Variants in IBSP observed in about 807,000 individuals in gnomAD.
The protein encoded by IBSP is integrin binding sialoprotein.
Under a neutral mutation model 25.5 loss-of-function variants are expected in IBSP, and 19 were observed. The observed-to-expected ratio is 0.74, with a 90% CI of 0.52 to 1.09. The LOEUF (loss-of-function observed/expected upper bound fraction) is 1.09. IBSP is among the 50% of genes least tolerant of loss of function. IBSP has a pLI of 0.00. For missense variants in IBSP, 360 were observed against 382.3 expected (o/e 0.94, Z 0.49); for synonymous variants, 144 against 137.6 (o/e 1.05, Z -0.33).
intron 1 of IBSP, among the ~76,000 whole-genome samples, chr4:87,801,933 G>A (rs1032521990): frequency 8.5e-5 from 13 of 152,068 alleles, no homozygotes; most frequent in African/African-American, 2.9e-4. Context: ...CACCATACCT[G>A]GTCGAGTTTT....
Position 87,811,843 on chromosome 4 carries a change from A to C in IBSP, c.887A>C (p.Glu296Ala), listed in dbSNP as rs762817858. The part of the protein sequence containing the change: ...RGDNYRAYED[E>A]YSYFKGQGYD... The stretch of plus-strand genomic sequence containing the variant: ...GACAATTACCGAGCCTATGAAGATG[A>C]GTACAGCTACTTTAAAGGACAAGGC... Residue 296 changes from glutamate to alanine, a missense_variant, in exon 7 of 7, where the codon GAG becomes GCG. Coordinates refer to ENST00000226284, the MANE Select transcript of IBSP (RefSeq NM_004967.4). 4 of 1,597,366 alleles carry C rather than the reference A, an allele frequency of 2.5e-6. No homozygotes were observed. The highest frequency in any genetic ancestry group is 3.5e-5 in the Admixed American group (2 of 57,966).
At chr4:87,801,491 C>CAA (rs2110055631) in intron 1 of IBSP, among the ~76,000 whole-genome samples, 1 of 125,314 alleles carries the variant, frequency 8.0e-6, no homozygotes, top group South Asian at 2.6e-4. Context: ...TACACACACA[C>CAA]ACACACACAC....
In IBSP at chr4:87,811,885, G is replaced by T. The variant is rs758913080; in HGVS notation, c.929G>T (p.Gly310Val). Reference sequence around the variant, plus strand: ...GGACAAGGCTACGATGGCTATGATGGTCAGAATTACTACCACCACCAGTGA... The same window carrying T: ...GGACAAGGCTACGATGGCTATGATGTTCAGAATTACTACCACCACCAGTGA... The part of the protein sequence containing the change: ...FKGQGYDGYD[G>V]QNYYHHQ Residue 310 changes from glycine (G) to valine (V), a missense_variant, in exon 7 of 7, where the codon GGT becomes GTT. Gly to Val is a moderately radical substitution (Grantham distance 109). Transcript: ENST00000226284. 1.2e-4 allele frequency: 183 copies of T among 1,534,754 alleles called. 1 individual carries two copies. Among genetic ancestry groups the T allele is most frequent in the Admixed American group, 6.1e-4 (30 of 48,820 alleles).
intron 2 of IBSP, 44 bp downstream of exon 2, chr4:87,802,459 T>A (rs373609852): frequency 2.6e-5 from 41 of 1,595,708 alleles, no homozygotes; most frequent in Non-Finnish European, 7.7e-6. Flanking sequence ...AGTTTTGTCT[T>A]TTTATGTAAA....
chr4:87,804,580 C>T (rs1368784724), intron 4 of IBSP, among the ~76,000 whole-genome samples: 2 of 152,238 alleles, frequency 1.3e-5, no homozygotes, highest in Non-Finnish European at 2.9e-5. Flanking sequence ...TTTCCTTTAT[C>T]GGACTCATCT....
At chr4:87,807,312 C>T (rs1442642195) in intron 5 of IBSP, among the ~76,000 whole-genome samples, 1 of 152,110 alleles carries the variant, frequency 6.6e-6, no homozygotes, top group African/African-American at 2.4e-5. Flanking sequence ...AAAAATGGAT[C>T]ATGTATTAAC....
chr4:87,800,836 C>A (rs1722003535), intron 1 of IBSP, among the ~76,000 whole-genome samples: 1 of 152,132 alleles, frequency 6.6e-6, no homozygotes, highest in Non-Finnish European at 1.5e-5. Context: ...CATTGGTTTG[C>A]ACATTTTAAG....
rs1722035151 is a variant in IBSP at position 87,802,518 on chromosome 4, T to G, written c.65T>G (p.Leu22Trp). Residue 22 changes from leucine (L) to tryptophan (W), a missense_variant, in exon 3 of 7, where the codon TTG becomes TGG. Leu to Trp is a moderately conservative substitution (Grantham distance 61). Coordinates refer to ENST00000226284, the MANE Select transcript of IBSP (RefSeq NM_004967.4). ...TGTTCTTTAAAACAGATGAAAAATTTGCATCGAAGAGTCAAAATAGAGGAT... is the reference window on the plus strand; with the variant it reads ...TGTTCTTTAAAACAGATGAAAAATTGGCATCGAAGAGTCAAAATAGAGGAT... ...GMACAFSMKN[L>W]HRRVKIEDSE... The G allele has an allele frequency of 6.2e-7, 1 of 1,604,972 alleles. No individual in the cohort carries two copies. Among genetic ancestry groups the G allele is most frequent in the Non-Finnish European group, 8.5e-7 (1 of 1,176,666 alleles).
chr4:87,810,039 C>A (rs986889950), intron 5 of IBSP, among the ~76,000 whole-genome samples: 1 of 152,120 alleles, frequency 6.6e-6, no homozygotes, highest in Non-Finnish European at 1.5e-5. Context: ...TCCTGGCCAA[C>A]ACGGTGAAAC....
rs753732268 is a variant in IBSP, at chr4:87,802,530, T to C, written c.77T>C (p.Val26Ala). ...AFSMKNLHRR[V>A]KIEDSEENGV... is the part of the protein sequence containing the mutation. ...CAGATGAAAAATTTGCATCGAAGAG[T>C]CAAAATAGAGGATTCTGAAGAAAAT... Residue 26 changes from valine (V) to alanine (A), a missense_variant, in exon 3 of 7, where the codon GTC becomes GCC. By Grantham distance (64) the Val-to-Ala change is moderately conservative (BLOSUM62 0). Transcript: ENST00000226284. 3.7e-6 allele frequency: 6 copies of C among 1,606,576 alleles called. No homozygotes were observed. Among genetic ancestry groups the C allele is most frequent in the Non-Finnish European group, 5.1e-6 (6 of 1,177,194 alleles).
chr4:87,810,838 A>C, intron 6 of IBSP, 74 bp downstream of exon 6: 16 of 1,356,732 alleles, frequency 1.2e-5, no homozygotes, highest in Non-Finnish European at 1.6e-5. Context: ...TCTTTTTTAA[A>C]CTTTTTAACT....
intron 1 of IBSP, among the ~76,000 whole-genome samples, chr4:87,800,985 T>C (rs887460464): frequency 2.6e-5 from 4 of 152,182 alleles, no homozygotes; most frequent in African/African-American, 7.2e-5. Context: ...TGAGTGTTAG[T>C]AGGCTTTCAG....
At chr4:87,810,863 T>C (rs1722161100) in intron 6 of IBSP, 99 bp downstream of exon 6, 1 of 957,864 alleles carries the variant, frequency 1.0e-6, no homozygotes, top group Non-Finnish European at 1.6e-6. Flanking sequence ...TCTAAGGGTA[T>C]CCTAACACTA....
At position 87,811,787 on chromosome 4, in the gene IBSP, C is replaced by G. The variant is rs1362939453; in HGVS notation, c.831C>G (p.Ile277Met). 26 of 1,613,478 alleles carry G rather than the reference C, an allele frequency of 1.6e-5. No homozygotes were observed. The highest frequency in any genetic ancestry group is 2.1e-5 in the Non-Finnish European group (25 of 1,179,770). ...ATGAATACGACAATGGATATGAAAT[C>G]TATGAAAGTGAGAACGGGGAACCTC... ...GANEYDNGYE[I>M]YESENGEPRG... is the part of the protein sequence containing the mutation. The change falls in exon 7 of 7, where the codon ATC (isoleucine) becomes ATG (methionine). Residue 277 changes from isoleucine (I) to methionine (M), a missense_variant. Ile to Met is a conservative substitution (Grantham distance 10). Coordinates refer to ENST00000226284, the MANE Select transcript of IBSP (RefSeq NM_004967.4).
chr4:87,809,163 C>G (rs138933640), intron 5 of IBSP, among the ~76,000 whole-genome samples: 1 of 152,114 alleles, frequency 6.6e-6, no homozygotes, highest in Non-Finnish European at 1.5e-5. Context: ...TCTTTGTAAG[C>G]GCAAATTAGT....
chr4:87,808,947 G>A (rs1326329530), intron 5 of IBSP, among the ~76,000 whole-genome samples: 4 of 152,018 alleles, frequency 2.6e-5, no homozygotes, highest in African/African-American at 7.2e-5. Flanking sequence ...TTCATTTCTC[G>A]AGGCCATTTC....
At position 87,811,643 on chromosome 4, in the gene IBSP, C is replaced by T. The variant is rs1309849839; in HGVS notation, c.687C>T (p.Thr229=). ...GCAAGGGCACCTCGAAGACAACAAC[C>T]TCTCCAAATGGTGGGTTTGAACCTA... is the stretch of plus-strand genomic sequence containing the variant. The part of the protein sequence containing the change: ...RQGKGTSKTT[T]SPNGGFEPTT... Residue 229 remains threonine (T), a synonymous_variant, in exon 7 of 7, where the codon ACC becomes ACT. Coordinates refer to ENST00000226284, the MANE Select transcript of IBSP (RefSeq NM_004967.4). 5.0e-6 allele frequency: 8 copies of T among 1,613,748 alleles called. No homozygotes were observed. The Admixed American group carries it at 1.2e-4, about 24-fold the overall frequency.
At chr4:87,809,741 G>T (rs914141486) in intron 5 of IBSP, among the ~76,000 whole-genome samples, 1 of 152,078 alleles carries the variant, frequency 6.6e-6, no homozygotes, top group Non-Finnish European at 1.5e-5. Context: ...GTATTGAAGT[G>T]AATTCAATTT....
At chr4:87,807,368 A>C (rs1181168093) in intron 5 of IBSP, among the ~76,000 whole-genome samples, 1 of 152,132 alleles carries the variant, frequency 6.6e-6, no homozygotes, top group Non-Finnish European at 1.5e-5. Context: ...AAGGTGACGA[A>C]TCATTAGTTT....
Sources: allele counts gnomAD v4.1 joint callset (sites outside exome capture counted in the v4.1 genomes callset), GRCh38; gene constraint gnomAD v4.1.1; transcripts MANE v1.5; gene names NCBI Gene and HGNC (gene_info 2026-07-23, HGNC 2026-07-21).